The following TALDO1 variants were observed in gnomAD, a reference collection of about 807,000 sequenced individuals.
TALDO1 encodes the protein transaldolase 1.
A neutral mutation model predicts 38.1 loss-of-function variants in TALDO1; 29 were observed. The observed-to-expected ratio is 0.76, with a 90% confidence interval of 0.57 to 1.04. The LOEUF is 1.04. Ranked by LOEUF, TALDO1 falls within the 50% of genes least tolerant of loss-of-function variation. TALDO1 has a pLI of 0.00. For synonymous variants in TALDO1, 207 were observed against 176.8 expected (o/e 1.17, Z -1.36); for missense variants, 499 against 438.1 (o/e 1.14, Z -1.24).
intron 4 of TALDO1, 85 bp downstream of exon 4, chr11:760,338 T>C: frequency 6.3e-7 from 1 of 1,588,182 alleles, no homozygotes; most frequent in Non-Finnish European, 8.6e-7. Context: ...CAAGTTTGAC[T>C]CTCTCAGCCC....
chr11:763,475 T>A lies in TALDO1; in HGVS notation c.593T>A (p.Val198Glu). The change falls in exon 5 of 8, where the codon GTG (valine) becomes GAG (glutamate). Residue 198 changes from valine (V) to glutamate (E), a missense_variant. Physicochemically the swap from Val to Glu is moderately radical, Grantham distance 121. Coordinates refer to ENST00000319006, the MANE Select transcript of TALDO1 (RefSeq NM_006755.2). ...PFVGRILDWH[V>E]ANTDKKSYEP... ...GTTGGGCGCATCCTTGATTGGCATG[T>A]GGCAAACACCGACAAGAAATCCTAT... The A allele has an allele frequency of 6.2e-7, 1 of 1,613,546 alleles. No individual in the cohort carries two copies. The highest frequency in any genetic ancestry group is 8.5e-7 in the Non-Finnish European group (1 of 1,179,896).
At chr11:752,934 T>C (rs1269155037) in intron 1 of TALDO1, among the ~76,000 whole-genome samples, 1 of 152,176 alleles carries the variant, frequency 6.6e-6, no homozygotes, top group Non-Finnish European at 1.5e-5. Flanking sequence ...GATCTGAGGC[T>C]GTCTCCAGGT....
intron 2 of TALDO1, among the ~76,000 whole-genome samples, chr11:757,357 A>G (rs1363178921): frequency 6.6e-6 from 1 of 150,486 alleles, no homozygotes; most frequent in Non-Finnish European, 1.5e-5. Flanking sequence ...CAGTGTCACA[A>G]TCTCAGCTCA....
chr11:756,325 C>A, intron 2 of TALDO1: 1 of 321,758 alleles, frequency 3.1e-6, no homozygotes, highest in Non-Finnish European at 5.9e-6. Flanking sequence ...GTAACACTTA[C>A]CTTCTGGCTG....
Position 759,029 on chromosome 11 carries a change from G to A in TALDO1, c.301G>A (p.Gly101Ser). The change falls in exon 3 of 8, where the codon GGC (glycine) becomes AGC (serine). Residue 101 changes from glycine to serine, a missense_variant. By Grantham distance (56) the Gly-to-Ser change is moderately conservative. Coordinates refer to ENST00000319006, the MANE Select transcript of TALDO1 (RefSeq NM_006755.2). ...AGCAGAAATACTAAAGAAGATTCCGGGCCGAGTATCCACAGAAGTAGACGC... is the reference window on the plus strand; with the variant it reads ...AGCAGAAATACTAAAGAAGATTCCGAGCCGAGTATCCACAGAAGTAGACGC... Reference protein sequence around the residue: ...FGAEILKKIPGRVSTEVDARL... With the variant: ...FGAEILKKIPSRVSTEVDARL... 1 of 1,612,936 alleles carries A rather than the reference G, an allele frequency of 6.2e-7. No homozygotes were observed. Among genetic ancestry groups the A allele is most frequent in the Non-Finnish European group, 8.5e-7 (1 of 1,179,270 alleles).
chr11:763,171 C>G (rs1174066292), intron 4 of TALDO1, among the ~76,000 whole-genome samples, 173 bp from the exon 5 acceptor site: 5 of 145,030 alleles, frequency 3.4e-5, no homozygotes, highest in Non-Finnish European at 6.3e-5. Flanking sequence ...TGGGTGGGCA[C>G]CTGGCCTGCA....
chr11:763,240 C>T (rs1590071519), intron 4 of TALDO1, 104 bp from the exon 5 acceptor site: 1 of 144,576 alleles, frequency 6.9e-6, no homozygotes, highest in South Asian at 7.0e-5. Context: ...CACCCGCCCC[C>T]GCCCTCACCC....
chr11:748,771 C>G (rs1051477865), intron 1 of TALDO1, among the ~76,000 whole-genome samples: 1 of 152,214 alleles, frequency 6.6e-6, no homozygotes, highest in African/African-American at 2.4e-5. Flanking sequence ...TTGGGAGATC[C>G]AAAGCTAGAG....
chr11:750,654 C>T (rs1429946302), intron 1 of TALDO1, among the ~76,000 whole-genome samples: 1 of 152,020 alleles, frequency 6.6e-6, no homozygotes, highest in Non-Finnish European at 1.5e-5. Flanking sequence ...GAAACCCCAT[C>T]TCTACTAAAA....
intron 4 of TALDO1, among the ~76,000 whole-genome samples, chr11:763,075 T>G (rs1208842852): frequency 6.7e-6 from 1 of 150,330 alleles, no homozygotes; most frequent in Non-Finnish European, 1.5e-5. Context: ...CCCTCGAGTC[T>G]TACCGATTTG....
intron 4 of TALDO1, among the ~76,000 whole-genome samples, chr11:762,386 G>A (rs1236196413): frequency 3.9e-5 from 6 of 152,156 alleles, no homozygotes; most frequent in African/African-American, 7.2e-5. Context: ...TGCTGTGGTC[G>A]GTTTCCATTT....
chr11:747,808 G>A (rs1425539519), intron 1 of TALDO1, among the ~76,000 whole-genome samples: 1 of 152,078 alleles, frequency 6.6e-6, no homozygotes, highest in Non-Finnish European at 1.5e-5. Flanking sequence ...ACCGTGAGGG[G>A]AACGGGGCCC....
At chr11:750,249 T>A (rs779591013) in intron 1 of TALDO1, among the ~76,000 whole-genome samples, 1 of 152,064 alleles carries the variant, frequency 6.6e-6, no homozygotes, top group African/African-American at 2.4e-5. Flanking sequence ...TCTACCTCTA[T>A]AGTTTTGTCA....
intron 4 of TALDO1, chr11:760,896 A>AT (rs1862915153): frequency 6.4e-6 from 1 of 157,078 alleles, no homozygotes; most frequent in South Asian, 1.9e-4. Context: ...TTAGCCGGGC[A>AT]TGGTGGCACA....
At chr11:755,708 T>C (rs1862824057) in intron 1 of TALDO1, 171 bp from the exon 2 acceptor site, 2 of 901,694 alleles carry the variant, frequency 2.2e-6, no homozygotes, top group Non-Finnish European at 3.4e-6. Flanking sequence ...CAGCCGCCTC[T>C]TGATGAACCT....
chr11:754,263 G>A (rs7927798), intron 1 of TALDO1, among the ~76,000 whole-genome samples: 1 of 152,102 alleles, frequency 6.6e-6, no homozygotes, highest in African/African-American at 2.4e-5. Flanking sequence ...GGGATTACAG[G>A]TGTGAGCCAC....
At chr11:756,361 G>A (rs1428683618) in intron 2 of TALDO1, 8 of 276,924 alleles carry the variant, frequency 2.9e-5, no homozygotes, top group Admixed American at 4.8e-5. Flanking sequence ...CTTTTCAGAC[G>A]GAGTCTCGCT....
intron 1 of TALDO1, among the ~76,000 whole-genome samples, chr11:754,394 A>G (rs1564990820): frequency 6.6e-6 from 1 of 152,168 alleles, no homozygotes; most frequent in Non-Finnish European, 1.5e-5. Flanking sequence ...AAAGTTGTCC[A>G]CTCCGACTAA....
intron 4 of TALDO1, among the ~76,000 whole-genome samples, chr11:762,457 C>T (rs1329714758): frequency 6.6e-6 from 1 of 151,832 alleles, no homozygotes; most frequent in Non-Finnish European, 1.5e-5. Flanking sequence ...ACATCTGCTG[C>T]TCTGAACACA....
Sources: allele counts gnomAD v4.1 joint callset (sites outside exome capture counted in the v4.1 genomes callset), GRCh38; gene constraint gnomAD v4.1.1; transcripts MANE v1.5; gene names NCBI Gene and HGNC (gene_info 2026-07-23, HGNC 2026-07-21).